SLC25A42: variants seen among roughly 807,000 people sequenced by gnomAD.
The protein encoded by SLC25A42 is solute carrier family 25 member 42, also known as mitochondrial coenzyme A transporter SLC25A42.
SLC25A42 carries 19 observed loss-of-function variants against 34.7 expected under a neutral mutation model. The ratio of observed to expected loss-of-function variants is 0.55; its 90% CI spans 0.38 to 0.80. The LOEUF is 0.80. SLC25A42 is among the 30% of genes least tolerant of loss of function. SLC25A42 has a pLI of 0.00. For missense variants in SLC25A42, 364 were observed against 441.3 expected (o/e 0.82, Z 1.57); for synonymous variants, 205 against 191.2 (o/e 1.07, Z -0.59).
At chr19:19,068,600 G>A (rs1457120768) in intron 1 of SLC25A42, among the ~76,000 whole-genome samples, 6 of 152,054 alleles carry the variant, frequency 3.9e-5, no homozygotes, top group African/African-American at 9.7e-5. Flanking sequence ...CCCGGGAGGC[G>A]GAGGTTGCAG....
intron 1 of SLC25A42, among the ~76,000 whole-genome samples, chr19:19,082,378 T>C (rs970041130): frequency 1.3e-5 from 2 of 152,164 alleles, no homozygotes; most frequent in African/African-American, 4.8e-5. Flanking sequence ...TCTGGTCCTT[T>C]TCCTTTTCCT....
At chr19:19,064,571 A>G (rs1348339577) in intron 1 of SLC25A42, among the ~76,000 whole-genome samples, 1 of 149,426 alleles carries the variant, frequency 6.7e-6, no homozygotes, top group African/African-American at 2.5e-5. Context: ...ACCTGGACCT[A>G]GTCCCGTCCC....
chr19:19,102,707 G>A (rs909964987), intron 3 of SLC25A42, among the ~76,000 whole-genome samples: 7 of 151,878 alleles, frequency 4.6e-5, no homozygotes, highest in African/African-American at 1.5e-4. Context: ...TCGCGCCATC[G>A]CACTCCAGCC....
intron 2 of SLC25A42, among the ~76,000 whole-genome samples, chr19:19,096,548 C>A (rs1027654512): frequency 1.3e-5 from 2 of 152,098 alleles, no homozygotes; most frequent in African/African-American, 4.8e-5. Flanking sequence ...TGGTAAGAGG[C>A]CAAAACCTAA....
At chr19:19,095,820 G>C (rs1280809204) in intron 1 of SLC25A42, 1 of 463,172 alleles carries the variant, frequency 2.2e-6, no homozygotes, top group Non-Finnish European at 4.1e-6. Flanking sequence ...GTGTGACCTT[G>C]GCTGGCTGCT....
intron 4 of SLC25A42, 59 bp downstream of exon 4, chr19:19,104,997 G>C (rs2059818460): frequency 6.3e-7 from 1 of 1,599,602 alleles, no homozygotes; most frequent in African/African-American, 1.3e-5. Context: ...TGATGGGCTG[G>C]CAGGAGTTAG....
rs144996112 is a variant in SLC25A42 at position 19,099,373 on chromosome 19, T to C, written c.82-2408T>C. Reference sequence around the variant, plus strand: ...CTGAGGAAAAGGAGGCTGTGTTCTGTGGAACCAGACTGGGGGTGCAAGGCT... The same window carrying C: ...CTGAGGAAAAGGAGGCTGTGTTCTGCGGAACCAGACTGGGGGTGCAAGGCT... On this transcript the variant is annotated intron_variant, in intron 2 of 7. Transcript: ENST00000318596. Among the ~76,000 whole-genome samples the C allele has an allele frequency of 7.4e-3, 1,127 of 152,146 alleles. 12 individuals are homozygous for C. Among genetic ancestry groups the C allele is most frequent in the African/African-American group, 0.025 (1,038 of 41,498 alleles).
chr19:19,107,498 G>T (rs181327931), intron 6 of SLC25A42, among the ~76,000 whole-genome samples: 29 of 152,168 alleles, frequency 1.9e-4, no homozygotes, highest in Non-Finnish European at 1.2e-4. Flanking sequence ...AGGTCTGCTG[G>T]CATGTATCTG....
intron 1 of SLC25A42, among the ~76,000 whole-genome samples, chr19:19,080,827 G>A (rs1272805403): frequency 6.6e-6 from 1 of 151,624 alleles, no homozygotes; most frequent in Non-Finnish European, 1.5e-5. Context: ...AGCTAAGGCA[G>A]GAGGGTCTCT....
intron 1 of SLC25A42, among the ~76,000 whole-genome samples, chr19:19,078,392 C>A (rs2059665411): frequency 6.6e-6 from 1 of 152,180 alleles, no homozygotes; most frequent in Non-Finnish European, 1.5e-5. Context: ...TTGGGTTCTT[C>A]CTTCTTGCTG....
chr19:19,096,454 T>TC (rs1297608969), intron 2 of SLC25A42, among the ~76,000 whole-genome samples: 1 of 151,778 alleles, frequency 6.6e-6, no homozygotes, highest in Non-Finnish European at 1.5e-5. Context: ...CCCCAAATAC[T>TC]CCATCATGGG....
chr19:19,075,612 G>A (rs531958164), intron 1 of SLC25A42, among the ~76,000 whole-genome samples: 14 of 152,304 alleles, frequency 9.2e-5, no homozygotes, highest in Admixed American at 5.2e-4. Context: ...GTGGGGCTGG[G>A]GGAGTACGAG....
At chr19:19,068,324 C>T (rs930153296) in intron 1 of SLC25A42, among the ~76,000 whole-genome samples, 4 of 148,210 alleles carry the variant, frequency 2.7e-5, no homozygotes, top group Admixed American at 6.8e-5. Flanking sequence ...CATCGCACTC[C>T]AGCCTGGGCG....
rs2059819576 is a variant in SLC25A42 at position 19,105,231 on chromosome 19, T to C, written c.213+293T>C. 3 of 573,452 alleles carry C rather than the reference T, an allele frequency of 5.2e-6. No homozygotes were observed. The Admixed American group carries it at 9.1e-5, about 17-fold the overall frequency. 35.5% of individuals were successfully genotyped at this position (573,452 alleles called of 1,614,324 possible). On this transcript the variant is annotated intron_variant, in intron 4 of 7. Coordinates refer to ENST00000318596, the MANE Select transcript of SLC25A42 (RefSeq NM_178526.5). The stretch of plus-strand genomic sequence containing the variant: ...TTTCTTAATAAAGGAAAAGATAAAC[T>C]GTAAAAGCTGGGATGCCAAACACCA...
intron 1 of SLC25A42, among the ~76,000 whole-genome samples, chr19:19,070,591 C>T (rs2059625155): frequency 2.0e-5 from 3 of 152,070 alleles, no homozygotes; most frequent in Admixed American, 2.0e-4. Context: ...CACTCCCGGC[C>T]GATCCCCTCT....
intron 1 of SLC25A42, among the ~76,000 whole-genome samples, chr19:19,070,855 A>G (rs912487505): frequency 2.6e-5 from 4 of 152,150 alleles, no homozygotes; most frequent in African/African-American, 7.2e-5. Context: ...GAATAGGCCA[A>G]TGGGGTCGGA....
rs752877673 is a variant in SLC25A42 at position 19,096,081 on chromosome 19, A to ACC, written c.-34-4_-34-3dup. 9 of 1,553,030 alleles carry ACC rather than the reference A, an allele frequency of 5.8e-6. No homozygotes were observed. The highest frequency in any genetic ancestry group is 1.4e-5 in the African/African-American group (1 of 72,720). The stretch of plus-strand genomic sequence containing the variant: ...TCGCCGTATCTTACCACCTCCCCTT[A>ACC]CCCCCCCAGGACCGAGTCTCCTGCC... On this transcript the variant is annotated splice_polypyrimidine_tract_variant and intron_variant, in intron 1 of 7. Coordinates refer to ENST00000318596, the MANE Select transcript of SLC25A42 (RefSeq NM_178526.5).
At chr19:19,077,184 T>C (rs1027618667) in intron 1 of SLC25A42, among the ~76,000 whole-genome samples, 1 of 151,982 alleles carries the variant, frequency 6.6e-6, no homozygotes, top group African/African-American at 2.4e-5. Context: ...AGACCCTGTG[T>C]CAAAAATAAA....
intron 1 of SLC25A42, among the ~76,000 whole-genome samples, chr19:19,092,969 C>T (rs2059745893): frequency 6.6e-6 from 1 of 152,098 alleles, no homozygotes; most frequent in Non-Finnish European, 1.5e-5. Context: ...CCCCCAGCAA[C>T]CGGCTGGGAA....
Sources: allele counts gnomAD v4.1 joint callset (sites outside exome capture counted in the v4.1 genomes callset), GRCh38; gene constraint gnomAD v4.1.1; transcripts MANE v1.5; gene names NCBI Gene and HGNC (gene_info 2026-07-23, HGNC 2026-07-21).